Variants in ATG7 observed in about 807,000 individuals in gnomAD.
The protein encoded by ATG7 is autophagy related 7.
A neutral mutation model predicts 82.4 loss-of-function variants in ATG7; 70 were observed. The ratio of observed to expected loss-of-function variants is 0.85; its 90% CI spans 0.70 to 1.04. The LOEUF is 1.04. ATG7 is among the 50% of genes least tolerant of loss of function. The pLI is 0.00. For synonymous variants in ATG7, 287 were observed against 313.0 expected (o/e 0.92, Z 0.88); for missense variants, 792 against 864.3 (o/e 0.92, Z 1.05).
chr3:11,382,521 C>T (rs1469935017), intron 19 of ATG7, among the ~76,000 whole-genome samples: 1 of 152,118 alleles, frequency 6.6e-6, no homozygotes, highest in African/African-American at 2.4e-5. Context: ...CACTTTCATT[C>T]CAGTTTCTAC....
intron 20 of ATG7, among the ~76,000 whole-genome samples, chr3:11,452,908 A>G (rs541090836): frequency 2.0e-5 from 3 of 152,194 alleles, no homozygotes; most frequent in South Asian, 2.1e-4. Context: ...CTAAGCACCT[A>G]TTGTGTGCCA....
At chr3:11,401,406 T>G (rs2079823598) in intron 19 of ATG7, among the ~76,000 whole-genome samples, 1 of 152,258 alleles carries the variant, frequency 6.6e-6, no homozygotes, top group African/African-American at 2.4e-5. Flanking sequence ...TGTGTTGGTT[T>G]AAAAAGATGA....
At chr3:11,362,756 A>G in intron 16 of ATG7, 57 bp from the exon 17 acceptor site, 1 of 1,416,500 alleles carries the variant, frequency 7.1e-7, no homozygotes, top group East Asian at 2.4e-5. Flanking sequence ...TACTTGAGAC[A>G]GCTAGAGTTG....
At chr3:11,272,477 C>T (rs1361316274) in intron 1 of ATG7, 47 bp downstream of exon 1, 2 of 152,462 alleles carry the variant, frequency 1.3e-5, no homozygotes, top group African/African-American at 2.4e-5. Context: ...CTTGCTGGGC[C>T]GGTTTTGGAG....
chr3:11,426,905 T>C lies in ATG7; in HGVS notation c.2058T>C (p.His686=). ...ACTTGACTGGTCTTACATTGCTGCA[T>C]CAAGAAACCCAAGCTGCTGAGGTAA... is the stretch of plus-strand genomic sequence containing the variant. The part of the protein sequence containing the change: ...LEDLTGLTLL[H]QETQAAEIWD... The change falls in exon 20 of 21, where the codon CAT becomes CAC. Residue 686 remains histidine (H), a synonymous_variant. Transcript: ENST00000693202. The C allele has an allele frequency of 7.5e-6, 12 of 1,605,946 alleles. No individual in the cohort carries two copies. The highest frequency in any genetic ancestry group is 1.3e-5 in the African/African-American group (1 of 74,594).
chr3:11,426,901 T>G lies in ATG7; in HGVS notation c.2054T>G (p.Leu685Arg), dbSNP rs2082408866. 2 of 1,607,068 alleles carry G rather than the reference T, an allele frequency of 1.2e-6. No individual in the cohort carries two copies. The highest frequency in any genetic ancestry group is 1.7e-6 in the Non-Finnish European group (2 of 1,177,636). Reference sequence around the variant, plus strand: ...GAAGACTTGACTGGTCTTACATTGCTGCATCAAGAAACCCAAGCTGCTGAG... The same window carrying G: ...GAAGACTTGACTGGTCTTACATTGCGGCATCAAGAAACCCAAGCTGCTGAG... Reference protein sequence around the residue: ...FLEDLTGLTLLHQETQAAEIW... With the variant: ...FLEDLTGLTLRHQETQAAEIW... Residue 685 changes from leucine to arginine, a missense_variant, in exon 20 of 21, where the codon CTG (leucine) becomes CGG (arginine). By Grantham distance (102) the Leu-to-Arg change is moderately radical. Transcript: ENST00000693202.
chr3:11,576,019 A>C, the ATG7 span, among the ~76,000 whole-genome samples: 2 of 152,248 alleles, frequency 1.3e-5, no homozygotes, highest in Admixed American at 6.5e-5. Context: ...AGTTTTCTTT[A>C]ACCAGAACTG....
intron 1 of ATG7, among the ~76,000 whole-genome samples, chr3:11,278,576 C>T (rs1575109417): frequency 6.6e-6 from 1 of 152,208 alleles, no homozygotes; most frequent in Non-Finnish European, 1.5e-5. Context: ...GGTGCGAAGA[C>T]TGGTGTTAGA....
At chr3:11,393,539 G>A (rs1053967319) in intron 19 of ATG7, among the ~76,000 whole-genome samples, 2 of 152,128 alleles carry the variant, frequency 1.3e-5, no homozygotes, top group African/African-American at 4.8e-5. Flanking sequence ...ATTATGTCTT[G>A]TATAATGTTG....
chr3:11,546,663 T>C (rs2071319011), intron 20 of ATG7, among the ~76,000 whole-genome samples: 1 of 152,254 alleles, frequency 6.6e-6, no homozygotes, highest in Non-Finnish European at 1.5e-5. Context: ...CAAACTCGTC[T>C]GTCTCCTTTG....
intron 20 of ATG7, among the ~76,000 whole-genome samples, chr3:11,474,749 G>GA (rs1208246080): frequency 6.6e-6 from 1 of 152,202 alleles, no homozygotes; most frequent in African/African-American, 2.4e-5. Context: ...GCTGAGCCCG[G>GA]AATGCAAAGA....
intron 3 of ATG7, chr3:11,290,407 C>T (rs139375411): frequency 4.9e-6 from 1 of 202,216 alleles, no homozygotes; most frequent in East Asian, 1.6e-4. Flanking sequence ...TGGGCTCAGA[C>T]CAGGAGCCCA....
intron 20 of ATG7, among the ~76,000 whole-genome samples, chr3:11,430,252 T>A (rs1328850035): frequency 6.6e-6 from 1 of 152,180 alleles, no homozygotes; most frequent in African/African-American, 2.4e-5. Flanking sequence ...AAATTACTGT[T>A]CTAACTACAT....
rs537940602 is a variant in ATG7 at position 11,330,261 on chromosome 3, A to C, written c.679-1079A>C. 3.3e-5 allele frequency among the ~76,000 whole-genome samples: 5 copies of C among 152,308 alleles called. No individual in the cohort carries two copies. The South Asian group carries it at 1.0e-3, about 32-fold the overall frequency. ...CTACCTTTAAGGAGGGGAAGGTTTA[A>C]ATTTTGCTTCTGAAGAGGCCAGTAT... On this transcript the variant is annotated intron_variant, in intron 9 of 20. Transcript: ENST00000693202.
the ATG7 span, among the ~76,000 whole-genome samples, chr3:11,564,135 C>A: frequency 3.5e-3 from 537 of 152,334 alleles, 5 homozygotes; most frequent in Admixed American, 7.5e-3. Context: ...AATTTTGAGC[C>A]TCCTCAATGC....
At chr3:11,514,791 A>G (rs1357229908) in intron 20 of ATG7, among the ~76,000 whole-genome samples, 1 of 151,562 alleles carries the variant, frequency 6.6e-6, no homozygotes, top group Non-Finnish European at 1.5e-5. Context: ...AAAGAGAAGT[A>G]TGTTCCACGC....
intron 20 of ATG7, among the ~76,000 whole-genome samples, chr3:11,432,279 C>T (rs1331230503): frequency 2.0e-5 from 3 of 152,020 alleles, no homozygotes; most frequent in African/African-American, 7.3e-5. Context: ...GAGATTTACC[C>T]TATTCCATTT....
At chr3:11,341,043 C>T (rs997591135) in intron 12 of ATG7, among the ~76,000 whole-genome samples, 1 of 152,172 alleles carries the variant, frequency 6.6e-6, no homozygotes, top group African/African-American at 2.4e-5. Flanking sequence ...CTAGCTTGGT[C>T]CTATTGGCCC....
chr3:11,480,226 C>T lies in ATG7; in HGVS notation c.2079+53300C>T, dbSNP rs1007691831. On this transcript the variant is annotated intron_variant, in intron 20 of 20. Transcript: ENST00000693202. ...GATTACAGGCATGAGCCACCGCACC[C>T]GGCCTGGAATCAATTTTTAAAACCT... Among the ~76,000 whole-genome samples the T allele has an allele frequency of 5.9e-5, 9 of 152,070 alleles. No homozygotes were observed. In the East Asian group the frequency reaches 7.8e-4, roughly 13 times the overall value.
Sources: allele counts gnomAD v4.1 joint callset (sites outside exome capture counted in the v4.1 genomes callset), GRCh38; gene constraint gnomAD v4.1.1; transcripts MANE v1.5; gene names NCBI Gene and HGNC (gene_info 2026-07-23, HGNC 2026-07-21).